MITF: variants seen among roughly 807,000 people sequenced by gnomAD.
MITF encodes the protein melanocyte inducing transcription factor, also known as microphthalmia-associated transcription factor.
A neutral mutation model predicts 60.5 loss-of-function variants in MITF; 17 were observed. The ratio of observed to expected loss-of-function variants is 0.28; its 90% CI spans 0.19 to 0.42. MITF has a LOEUF of 0.42. MITF is among the 10% of genes least tolerant of loss of function. The pLI is 1.00. For missense variants in MITF, 622 were observed against 683.5 expected (o/e 0.91, Z 1.00); for synonymous variants, 260 against 248.5 (o/e 1.05, Z -0.43).
chr3:69,806,829 A>G (rs2063016613), intron 1 of MITF, among the ~76,000 whole-genome samples: 1 of 151,950 alleles, frequency 6.6e-6, no homozygotes, highest in Non-Finnish European at 1.5e-5. Flanking sequence ...TTCACTTGAG[A>G]CTCTGTGGGC....
In MITF at chr3:69,922,023, C is replaced by T. The variant is rs571396173; in HGVS notation, c.355-15799C>T. On this transcript the variant is annotated intron_variant, in intron 2 of 9. Coordinates refer to ENST00000352241, the MANE Select transcript of MITF (RefSeq NM_001354604.2). ...AAAATTCCTTGAAGGGCAAAACTGC[C>T]TGTACAGTTGAGAGCTCCCATCTTA... 3.9e-5 allele frequency among the ~76,000 whole-genome samples: 6 copies of T among 152,288 alleles called. No individual in the cohort carries two copies. The South Asian group carries it at 1.2e-3, about 32-fold the overall frequency.
chr3:69,739,657 G>A lies in MITF; in HGVS notation c.60G>A (p.Glu20=). The A allele has an allele frequency of 6.3e-7, 1 of 1,584,184 alleles. No homozygotes were observed. Among genetic ancestry groups the A allele is most frequent in the Non-Finnish European group, 8.6e-7 (1 of 1,163,514 alleles). The change falls in exon 1 of 10, where the codon GAG becomes GAA. Residue 20 remains glutamate, a synonymous_variant. Transcript: ENST00000352241. ...DFEVGEEFHE[E]PKTYYELKSQ... ...AAGTCGGGGAGGAGTTTCATGAAGA[G>A]CCCAAAACCTATTACGAACTCAAAA...
intron 6 of MITF, among the ~76,000 whole-genome samples, chr3:69,950,995 A>T (rs1056205852): frequency 6.6e-6 from 1 of 152,062 alleles, no homozygotes; most frequent in African/African-American, 2.4e-5. Flanking sequence ...ATTTCATTAC[A>T]GCAGGTTTTA....
chr3:69,743,266 C>G (rs935108202), intron 1 of MITF, among the ~76,000 whole-genome samples: 3 of 152,206 alleles, frequency 2.0e-5, no homozygotes, highest in Non-Finnish European at 2.9e-5. Context: ...CATTTCAGAA[C>G]CACTGGCTTA....
Position 69,949,164 on chromosome 3 carries a change from C to G in MITF, c.876C>G (p.Leu292=), listed in dbSNP as rs781171062. Residue 292 remains leucine, a synonymous_variant, in exon 6 of 10, where the codon CTC becomes CTG. Coordinates refer to ENST00000352241, the MANE Select transcript of MITF (RefSeq NM_001354604.2). The stretch of plus-strand genomic sequence containing the variant: ...ACCTTCCCAACATAAAAAGGGAGCT[C>G]ACAGGTAAACACCTAGTAAATGTGC... ...PANLPNIKRE[L]TACIFPTESE... The G allele has an allele frequency of 1.2e-6, 2 of 1,602,536 alleles. No individual in the cohort carries two copies. Among genetic ancestry groups the G allele is most frequent in the Admixed American group, 3.3e-5 (2 of 59,958 alleles).
chr3:69,838,930 A>AG (rs995719681), intron 1 of MITF, among the ~76,000 whole-genome samples: 1 of 152,318 alleles, frequency 6.6e-6, no homozygotes, highest in African/African-American at 2.4e-5. Flanking sequence ...ATTGAGCTGC[A>AG]GCCCTTCATG....
chr3:69,892,724 T>G (rs998540376), intron 2 of MITF, among the ~76,000 whole-genome samples: 2 of 152,214 alleles, frequency 1.3e-5, no homozygotes, highest in African/African-American at 4.8e-5. Flanking sequence ...AAAATGGCCC[T>G]TTCAGAGTCT....
At chr3:69,832,841 C>A (rs1438527492) in intron 1 of MITF, among the ~76,000 whole-genome samples, 1 of 152,192 alleles carries the variant, frequency 6.6e-6, no homozygotes, top group South Asian at 2.1e-4. Flanking sequence ...CTTATGTGCA[C>A]TGTATGTAGT....
In MITF at chr3:69,739,545, C is replaced by T. The variant is rs1019767091; in HGVS notation, c.-53C>T. The T allele has an allele frequency of 1.6e-4, 245 of 1,487,480 alleles. 1 individual carries two copies. In the Middle Eastern group the frequency reaches 1.7e-3, roughly 10 times the overall value. 92.1% of individuals were successfully genotyped at this position (1,487,480 alleles called of 1,614,324 possible). ...CCCAGGCCCAGCTACCTTCCCTCCG[C>T]CCCCGGGCTCTGTTCTCACTTTCCA... On this transcript the variant is annotated 5_prime_UTR_variant, in exon 1 of 10. Coordinates refer to ENST00000352241, the MANE Select transcript of MITF (RefSeq NM_001354604.2).
At chr3:69,895,060 A>G (rs559740005) in intron 2 of MITF, among the ~76,000 whole-genome samples, 1 of 152,238 alleles carries the variant, frequency 6.6e-6, no homozygotes, top group South Asian at 2.1e-4. Flanking sequence ...CTTCCCTCCT[A>G]GCCTGGACTT....
intron 1 of MITF, among the ~76,000 whole-genome samples, chr3:69,744,952 C>T (rs2106749289): frequency 6.6e-6 from 1 of 152,198 alleles, no homozygotes; most frequent in African/African-American, 2.4e-5. Context: ...AATGATGGGT[C>T]ACATTTATTG....
chr3:69,855,463 C>A (rs1192995240), intron 1 of MITF, among the ~76,000 whole-genome samples: 1 of 151,844 alleles, frequency 6.6e-6, no homozygotes, highest in Non-Finnish European at 1.5e-5. Flanking sequence ...ATAGAAAATG[C>A]TAAAATGATA....
chr3:69,930,453 T>C (rs553382843), intron 2 of MITF, among the ~76,000 whole-genome samples: 19 of 152,314 alleles, frequency 1.2e-4, no homozygotes, highest in Non-Finnish European at 2.6e-4. Context: ...TGTTCACACC[T>C]GAGGGCTGTA....
At chr3:69,944,048 C>A (rs542761628) in intron 5 of MITF, among the ~76,000 whole-genome samples, 1 of 152,084 alleles carries the variant, frequency 6.6e-6, no homozygotes, top group Admixed American at 6.6e-5. Flanking sequence ...GAATCATGAT[C>A]GTGCCACTGT....
chr3:69,912,928 G>T (rs141853490), intron 2 of MITF, among the ~76,000 whole-genome samples: 1 of 152,122 alleles, frequency 6.6e-6, no homozygotes, highest in African/African-American at 2.4e-5. Context: ...AGTGAAAATT[G>T]AGAACAATAG....
chr3:69,772,947 A>C (rs576027007), intron 1 of MITF, among the ~76,000 whole-genome samples: 1 of 152,336 alleles, frequency 6.6e-6, no homozygotes, highest in East Asian at 1.9e-4. Flanking sequence ...CAGATGTAGA[A>C]ATAAATATGT....
chr3:69,795,417 G>A (rs890407754), intron 1 of MITF, among the ~76,000 whole-genome samples: 3 of 152,136 alleles, frequency 2.0e-5, no homozygotes, highest in Non-Finnish European at 4.4e-5. Flanking sequence ...ACAATGAACT[G>A]TCTTACATTA....
chr3:69,859,794 A>C (rs951371916), intron 1 of MITF, among the ~76,000 whole-genome samples: 1 of 152,158 alleles, frequency 6.6e-6, no homozygotes, highest in Admixed American at 6.5e-5. Context: ...AAAGTTACTA[A>C]CAGTAAAATA....
chr3:69,924,558 T>A (rs781020678), intron 2 of MITF, among the ~76,000 whole-genome samples: 5 of 152,226 alleles, frequency 3.3e-5, no homozygotes, highest in Non-Finnish European at 5.9e-5. Flanking sequence ...AATAATAGAA[T>A]GAACCCTTCG....
Sources: allele counts gnomAD v4.1 joint callset (sites outside exome capture counted in the v4.1 genomes callset), GRCh38; gene constraint gnomAD v4.1.1; transcripts MANE v1.5; gene names NCBI Gene and HGNC (gene_info 2026-07-23, HGNC 2026-07-21).